PLEKHO2: variants seen among roughly 807,000 people sequenced by gnomAD.
PLEKHO2 encodes pleckstrin homology domain containing O2.
PLEKHO2 carries 20 observed loss-of-function variants against 32.7 expected under a neutral mutation model. The observed-to-expected ratio is 0.61, with a 90% CI of 0.43 to 0.89. The LOEUF (loss-of-function observed/expected upper bound fraction) is 0.89. PLEKHO2 is among the 40% of genes least tolerant of loss of function. The pLI, the probability that PLEKHO2 is intolerant of heterozygous loss-of-function variation, is 0.00. For missense variants in PLEKHO2, 568 were observed against 621.2 expected (o/e 0.91, Z 0.91); for synonymous variants, 247 against 246.3 (o/e 1.00, Z -0.03).
At chr15:64,843,317 G>T (rs945975578) in intron 1 of PLEKHO2, among the ~76,000 whole-genome samples, 2 of 152,230 alleles carry the variant, frequency 1.3e-5, no homozygotes, top group African/African-American at 4.8e-5. Context: ...TGAAGGTAGG[G>T]GGCAAAGTCA....
At chr15:64,844,791 G>T (rs965446446) in intron 1 of PLEKHO2, among the ~76,000 whole-genome samples, 5 of 152,158 alleles carry the variant, frequency 3.3e-5, no homozygotes, top group African/African-American at 1.2e-4. Flanking sequence ...ACCTTCTGCA[G>T]GGGTCTCCCA....
intron 4 of PLEKHO2, 39 bp downstream of exon 4, chr15:64,860,037 C>A: frequency 6.4e-7 from 1 of 1,566,722 alleles, no homozygotes; most frequent in South Asian, 1.1e-5. Flanking sequence ...CTCTGTGTCT[C>A]CTTTCCCACT....
At position 64,865,466 on chromosome 15, in the gene PLEKHO2, G is replaced by C. The variant is rs1363048166; in HGVS notation, c.1051G>C (p.Glu351Gln). 1 of 1,613,900 alleles carries C rather than the reference G, an allele frequency of 6.2e-7. No homozygotes were observed. The highest frequency in any genetic ancestry group is 1.3e-5 in the African/African-American group (1 of 74,924). Residue 351 changes from glutamate (E) to glutamine (Q), a missense_variant, in exon 6 of 6, where the codon GAG becomes CAG. Glu to Gln is a conservative substitution (Grantham distance 29). Transcript: ENST00000323544. ...AGTGAATGGCATGGATGACAGTCCT[G>C]AGCCTGCCAAGCCCTCTCAGGCTGA... ...VSVNGMDDSP[E>Q]PAKPSQAEGT...
chr15:64,845,689 C>G (rs1000185570), intron 1 of PLEKHO2, among the ~76,000 whole-genome samples: 1 of 152,220 alleles, frequency 6.6e-6, no homozygotes, highest in African/African-American at 2.4e-5. Context: ...AGGACCTGGA[C>G]TTGTTTCTGT....
In PLEKHO2 at chr15:64,866,148, A is replaced by ACGCTGGGACCTATGTGTTTGTGTGGT. The variant is rs2084685060; in HGVS notation, c.*263_*288dup. The ACGCTGGGACCTATGTGTTTGTGTGGT allele has an allele frequency of 7.1e-6, 4 of 563,238 alleles. No individual in the cohort carries two copies. Among genetic ancestry groups the ACGCTGGGACCTATGTGTTTGTGTGGT allele is most frequent in the African/African-American group, 1.9e-5 (1 of 51,306 alleles). The allele number at this position is 563,238 out of a possible 1,614,324, so 34.9% of individuals were successfully genotyped here. ...GCTGGGGCTGGGGCTGGGAGCACACACGCTGGGACCTATGTGTTTGTGTGG... is the reference window on the plus strand; with the variant it reads ...GCTGGGGCTGGGGCTGGGAGCACACACGCTGGGACCTATGTGTTTGTGTGGTCGCTGGGACCTATGTGTTTGTGTGG... On this transcript the variant is annotated 3_prime_UTR_variant, in exon 6 of 6. Transcript: ENST00000323544.
chr15:64,844,271 C>A (rs902890021), intron 1 of PLEKHO2, among the ~76,000 whole-genome samples: 1 of 152,228 alleles, frequency 6.6e-6, no homozygotes, highest in Non-Finnish European at 1.5e-5. Flanking sequence ...ATGCAACGGG[C>A]AGGCTGGTAG....
At chr15:64,856,105 G>A (rs754551371) in intron 3 of PLEKHO2, among the ~76,000 whole-genome samples, 4 of 152,046 alleles carry the variant, frequency 2.6e-5, no homozygotes, top group Non-Finnish European at 4.4e-5. Flanking sequence ...GTGTTATGAG[G>A]GCTCATGGGA....
chr15:64,859,593 A>G (rs1460912646), intron 3 of PLEKHO2, among the ~76,000 whole-genome samples: 1 of 152,236 alleles, frequency 6.6e-6, no homozygotes, highest in Non-Finnish European at 1.5e-5. Flanking sequence ...TACTTTTCAG[A>G]GTAAACGGAA....
intron 2 of PLEKHO2, among the ~76,000 whole-genome samples, chr15:64,850,160 C>T (rs1462307981): frequency 6.6e-6 from 1 of 151,502 alleles, no homozygotes; most frequent in East Asian, 1.9e-4. Flanking sequence ...AACTCCATCT[C>T]AAAAAAACAA....
Position 64,866,293 on chromosome 15 carries a change from C to A in PLEKHO2, c.*405C>A. ...GACTTCTGAATACAGCACAGCTGAG[C>A]CCCCTGCAGCTCCCATCTCCAGCTA... On this transcript the variant is annotated 3_prime_UTR_variant, in exon 6 of 6. Coordinates refer to ENST00000323544, the MANE Select transcript of PLEKHO2 (RefSeq NM_025201.5). 1 of 462,268 alleles carries A rather than the reference C, an allele frequency of 2.2e-6. No individual in the cohort carries two copies. 28.6% of individuals were successfully genotyped at this position (462,268 alleles called of 1,614,324 possible). A position where few individuals can be genotyped will look rare whatever the true frequency, so the allele number is the denominator to read the frequency against.
chr15:64,842,092 C>T, intron 1 of PLEKHO2, 64 bp downstream of exon 1: 20 of 1,220,050 alleles, frequency 1.6e-5, no homozygotes, highest in Non-Finnish European at 1.9e-5. Context: ...GGATTGCGGT[C>T]CTGGGCTCAG....
chr15:64,846,960 C>T (rs1245900302), intron 1 of PLEKHO2, among the ~76,000 whole-genome samples: 1 of 152,192 alleles, frequency 6.6e-6, no homozygotes, highest in Non-Finnish European at 1.5e-5. Context: ...ACTGAGGGTA[C>T]AGGAGTGAAC....
Position 64,865,206 on chromosome 15 carries a change from G to C in PLEKHO2, c.791G>C (p.Ser264Thr). Residue 264 changes from serine (S) to threonine (T), a missense_variant, in exon 6 of 6, where the codon AGC becomes ACC. Physicochemically the swap from Ser to Thr is moderately conservative, Grantham distance 58. Transcript: ENST00000323544. ...EDSGSEQPPNSVLPDKLKVSW... is the reference protein window; with the variant it reads ...EDSGSEQPPNTVLPDKLKVSW... Reference sequence around the variant, plus strand: ...AGTGGCTCTGAGCAGCCTCCCAACAGCGTCCTGCCTGACAAACTGAAGGTG... The same window carrying C: ...AGTGGCTCTGAGCAGCCTCCCAACACCGTCCTGCCTGACAAACTGAAGGTG... 1.9e-6 allele frequency: 3 copies of C among 1,614,180 alleles called. No individual in the cohort carries two copies. Among genetic ancestry groups the C allele is most frequent in the Non-Finnish European group, 2.5e-6 (3 of 1,180,024 alleles).
chr15:64,845,193 A>G (rs2084513588), intron 1 of PLEKHO2, among the ~76,000 whole-genome samples: 1 of 146,254 alleles, frequency 6.8e-6, no homozygotes, highest in Non-Finnish European at 1.5e-5. Context: ...TTCTGTGTAC[A>G]GAGTTGAGGT....
chr15:64,858,406 G>A (rs2084620760), intron 3 of PLEKHO2, among the ~76,000 whole-genome samples: 2 of 152,190 alleles, frequency 1.3e-5, no homozygotes, highest in African/African-American at 4.8e-5. Context: ...CAGGGTGGAG[G>A]ATGGGCAAGC....
At chr15:64,849,168 G>A (rs189352343) in intron 2 of PLEKHO2, among the ~76,000 whole-genome samples, 9 of 151,804 alleles carry the variant, frequency 5.9e-5, no homozygotes, top group East Asian at 5.8e-4. Flanking sequence ...TTGAGAAAGA[G>A]TCTCGCTCTG....
In PLEKHO2 at chr15:64,865,733, G is replaced by A. The variant is rs958376506; in HGVS notation, c.1318G>A (p.Ala440Thr). Residue 440 changes from alanine (A) to threonine (T), a missense_variant, in exon 6 of 6, where the codon GCC (alanine) becomes ACC (threonine). Coordinates refer to ENST00000323544, the MANE Select transcript of PLEKHO2 (RefSeq NM_025201.5). Reference sequence around the variant, plus strand: ...GGGCAGTGAGCCGGCCCCTGTTAGTGCCGAAACATTGCTCAGCCAGGCTGT... The same window carrying A: ...GGGCAGTGAGCCGGCCCCTGTTAGTACCGAAACATTGCTCAGCCAGGCTGT... ...VLGSEPAPVS[A>T]ETLLSQAVEQ... The A allele has an allele frequency of 6.8e-6, 11 of 1,614,230 alleles. No individual in the cohort carries two copies. Among genetic ancestry groups the A allele is most frequent in the Non-Finnish European group, 9.3e-6 (11 of 1,180,036 alleles).
In PLEKHO2 at chr15:64,843,603, G is replaced by A. The variant is rs568143418; in HGVS notation, c.12+1575G>A. ...TTTTCTTTTTTTTTTTTTTTGAGACGGAGTTTCGCTCTTGTTGCCCAGGCT... is the reference window on the plus strand; with the variant it reads ...TTTTCTTTTTTTTTTTTTTTGAGACAGAGTTTCGCTCTTGTTGCCCAGGCT... On this transcript the variant is annotated intron_variant, in intron 1 of 5. Coordinates refer to ENST00000323544, the MANE Select transcript of PLEKHO2 (RefSeq NM_025201.5). Among the ~76,000 whole-genome samples, 69 of 147,838 alleles carry A rather than the reference G, an allele frequency of 4.7e-4. 1 individual carries two copies. Among genetic ancestry groups the A allele is most frequent in the South Asian group, 1.3e-3 (6 of 4,690 alleles).
chr15:64,858,985 A>G (rs1285822588), intron 3 of PLEKHO2, among the ~76,000 whole-genome samples: 1 of 152,118 alleles, frequency 6.6e-6, no homozygotes, highest in Non-Finnish European at 1.5e-5. Context: ...TATGATTTTG[A>G]CAACTCTAGG....
Sources: allele counts gnomAD v4.1 joint callset (sites outside exome capture counted in the v4.1 genomes callset), GRCh38; gene constraint gnomAD v4.1.1; transcripts MANE v1.5; gene names NCBI Gene and HGNC (gene_info 2026-07-23, HGNC 2026-07-21).